The following ZNF385D variants were observed in gnomAD, a reference collection of about 807,000 sequenced individuals.
The protein encoded by ZNF385D is zinc finger protein 659.
Under a neutral mutation model 35.8 loss-of-function variants are expected in ZNF385D, and 15 were observed. That is an observed-to-expected ratio of 0.42 (90% CI 0.28 to 0.64). The LOEUF (loss-of-function observed/expected upper bound fraction) is 0.64. Ranked by LOEUF, ZNF385D falls within the 30% of genes least tolerant of loss-of-function variation. The pLI is 0.23. For missense variants in ZNF385D, 474 were observed against 494.6 expected (o/e 0.96, Z 0.39); for synonymous variants, 212 against 186.8 (o/e 1.13, Z -1.10).
At chr3:21,951,461 T>C (rs1702061901) in intron 3 of ZNF385D, among the ~76,000 whole-genome samples, 1 of 151,630 alleles carries the variant, frequency 6.6e-6, no homozygotes, top group African/African-American at 2.4e-5. Flanking sequence ...GACGATCGGG[T>C]ATTCTAAATA....
At chr3:21,882,680 G>C (rs1698340652) in intron 3 of ZNF385D, among the ~76,000 whole-genome samples, 1 of 151,962 alleles carries the variant, frequency 6.6e-6, no homozygotes. Flanking sequence ...AGACATTATA[G>C]TTTGAGAAGC....
At chr3:21,719,617 C>T (rs1475563187) in intron 1 of ZNF385D, among the ~76,000 whole-genome samples, 1 of 152,188 alleles carries the variant, frequency 6.6e-6, no homozygotes, top group Non-Finnish European at 1.5e-5. Flanking sequence ...TGTATAGCTA[C>T]TGCACTTGTG....
intron 3 of ZNF385D, among the ~76,000 whole-genome samples, chr3:22,042,983 C>G (rs1162203877): frequency 6.6e-6 from 1 of 152,100 alleles, no homozygotes; most frequent in Admixed American, 6.6e-5. Flanking sequence ...ATTTTTGAAT[C>G]TTATTAACCC....
At chr3:21,422,308 C>G (rs1292329363) in intron 7 of ZNF385D, among the ~76,000 whole-genome samples, 2 of 152,158 alleles carry the variant, frequency 1.3e-5, no homozygotes, top group Admixed American at 1.3e-4. Flanking sequence ...AATTCTTCAC[C>G]TCCCAATGCA....
chr3:22,206,359 T>A (rs530169884), intron 2 of ZNF385D, among the ~76,000 whole-genome samples: 4 of 151,942 alleles, frequency 2.6e-5, no homozygotes, highest in Admixed American at 6.6e-5. Context: ...ACTGTCTGCA[T>A]TGGACAGATC....
At position 21,516,049 on chromosome 3, in the gene ZNF385D, C is replaced by G. The variant is rs375676988; in HGVS notation, c.277-5026G>C. Among the ~76,000 whole-genome samples, 25 of 152,306 alleles carry G rather than the reference C, an allele frequency of 1.6e-4. 1 individual carries two copies. In the South Asian group the frequency reaches 4.3e-3, roughly 26 times the overall value. On this transcript the variant is annotated intron_variant, in intron 3 of 7. Coordinates refer to ENST00000281523, the MANE Select transcript of ZNF385D (RefSeq NM_024697.3). ...CATGATTCCACAGGTCCTGTGGTCC[C>G]CCACCCAGAGGAGGACTCATTACAT... is the stretch of plus-strand genomic sequence containing the variant.
chr3:21,806,042 C>G (rs538180623), intron 3 of ZNF385D, among the ~76,000 whole-genome samples: 1 of 152,240 alleles, frequency 6.6e-6, no homozygotes, highest in East Asian at 1.9e-4. Flanking sequence ...GCCTTGTTCT[C>G]ATTTGCTCTG....
Position 22,253,509 on chromosome 3 carries a change from C to T in ZNF385D, c.107-84474G>A, listed in dbSNP as rs537766985. ...TTCAATCAATACACTTTTAATAGTT[C>T]GGTTTATGATGCTGATGGTGATAAA... is the stretch of plus-strand genomic sequence containing the variant. On this transcript the variant is annotated intron_variant, in intron 2 of 5. Transcript: ENST00000494108. 1.8e-4 allele frequency among the ~76,000 whole-genome samples: 27 copies of T among 151,932 alleles called. No individual in the cohort carries two copies. In the East Asian group the frequency reaches 3.9e-3, roughly 22 times the overall value.
At chr3:22,112,846 A>G (rs545889969) in intron 3 of ZNF385D, among the ~76,000 whole-genome samples, 9 of 109,630 alleles carry the variant, frequency 8.2e-5, no homozygotes, top group South Asian at 2.6e-4. Flanking sequence ...TATGGGGGGG[A>G]AAAAAAACAG....
At chr3:21,482,345 A>G (rs1338386123) in intron 4 of ZNF385D, among the ~76,000 whole-genome samples, 4 of 152,178 alleles carry the variant, frequency 2.6e-5, no homozygotes, top group Non-Finnish European at 4.4e-5. Context: ...CCACTCATTT[A>G]TGTATGATCT....
intron 1 of ZNF385D, among the ~76,000 whole-genome samples, chr3:21,670,851 C>T (rs988140730): frequency 4.0e-5 from 6 of 151,774 alleles, no homozygotes; most frequent in African/African-American, 9.7e-5. Flanking sequence ...AACCAAACAA[C>T]TGATGCTGCT....
At position 21,961,070 on chromosome 3, in the gene ZNF385D, T is replaced by C. The variant is rs537355340; in HGVS notation, c.325+207747A>G. The stretch of plus-strand genomic sequence containing the variant: ...TTGAAACAGCTACAAGAGAAGATTT[T>C]TGATGTTCATAACACAAAGAAATAA... On this transcript the variant is annotated intron_variant, in intron 3 of 5. Coordinates refer to the ZNF385D transcript ENST00000494108. Among the ~76,000 whole-genome samples the C allele has an allele frequency of 1.1e-4, 17 of 152,270 alleles. No individual in the cohort carries two copies. In the South Asian group the frequency reaches 2.1e-3, roughly 19 times the overall value.
intron 3 of ZNF385D, among the ~76,000 whole-genome samples, chr3:21,913,002 A>C (rs1700032586): frequency 6.6e-6 from 1 of 152,038 alleles, no homozygotes; most frequent in African/African-American, 2.4e-5. Context: ...TTAAAAGCAA[A>C]TTTTTACTTT....
chr3:21,898,291 G>A (rs1467340314), intron 3 of ZNF385D, among the ~76,000 whole-genome samples: 2 of 152,068 alleles, frequency 1.3e-5, no homozygotes, highest in Non-Finnish European at 2.9e-5. Context: ...AAACCCCCCT[G>A]AGATCAAGCC....
At chr3:22,067,624 G>C (rs946266860) in intron 3 of ZNF385D, among the ~76,000 whole-genome samples, 1 of 152,126 alleles carries the variant, frequency 6.6e-6, no homozygotes, top group African/African-American at 2.4e-5. Context: ...GCTGATGTAT[G>C]TTATTATACA....
Position 21,677,539 on chromosome 3 carries a change from T to C in ZNF385D, c.23-12511A>G, listed in dbSNP as rs150972436. Among the ~76,000 whole-genome samples the C allele has an allele frequency of 4.2e-4, 64 of 152,226 alleles. No homozygotes were observed. In the East Asian group the frequency reaches 0.012, roughly 28 times the overall value. On this transcript the variant is annotated intron_variant, in intron 1 of 7. Coordinates refer to ENST00000281523, the MANE Select transcript of ZNF385D (RefSeq NM_024697.3). ...CACTAGAAGCTCATGTTCTTACTAT[T>C]CCTTAGAATTTGGGAGTCTAGAAAA...
At chr3:22,044,946 A>G (rs259460) in intron 3 of ZNF385D, among the ~76,000 whole-genome samples, 57,804 of 151,930 alleles carry the variant, frequency 0.38, 11,764 homozygotes, top group East Asian at 0.51. Flanking sequence ...AGAGGTACAT[A>G]AAAAAAGACT....
chr3:22,071,922 A>C (rs1700247540), intron 3 of ZNF385D, among the ~76,000 whole-genome samples: 1 of 152,044 alleles, frequency 6.6e-6, no homozygotes, highest in African/African-American at 2.4e-5. Flanking sequence ...TATTAATACA[A>C]TGGTCTTGCA....
rs564983254 is a variant in ZNF385D, at chr3:21,869,020, A to T, written c.326-203992T>A. 1.2e-4 allele frequency among the ~76,000 whole-genome samples: 18 copies of T among 152,160 alleles called. No individual in the cohort carries two copies. The South Asian group carries it at 1.9e-3, about 16-fold the overall frequency. ...TGGCAGGAATTACGGAAAAAACAAC[A>T]TTCATTTTGTTTCTGTTTCACTGGG... On this transcript the variant is annotated intron_variant, in intron 3 of 5. Coordinates refer to the ZNF385D transcript ENST00000494108.
Sources: gnomAD v4.1 joint callset for allele counts (sites outside exome capture counted in the v4.1 genomes callset) on GRCh38, gnomAD v4.1.1 for gene constraint, MANE v1.5 for transcripts, NCBI Gene and HGNC (gene_info 2026-07-23, HGNC 2026-07-21) for gene names.